KHDRBS2: variants seen among roughly 807,000 people sequenced by gnomAD.
KHDRBS2 encodes the protein KH domain-containing, RNA-binding, signal transduction-associated protein 2.
KHDRBS2 carries 26 observed loss-of-function variants against 44.3 expected under a neutral mutation model. That is an observed-to-expected ratio of 0.59 (90% CI 0.43 to 0.81). The LOEUF (loss-of-function observed/expected upper bound fraction) is 0.81, where lower values mean the gene tolerates loss of function less well. KHDRBS2 is among the 40% of genes least tolerant of loss of function. The probability of loss-of-function intolerance (pLI) is 0.00; values close to 1 mark genes in which losing one functional copy is unlikely to be tolerated. For synonymous variants in KHDRBS2, 194 were observed against 151.1 expected (o/e 1.28, Z -2.08); for missense variants, 476 against 433.1 (o/e 1.10, Z -0.88).
chr6:61,785,253 G>A (rs896912330), intron 6 of KHDRBS2, among the ~76,000 whole-genome samples: 1 of 151,820 alleles, frequency 6.6e-6, no homozygotes, highest in Non-Finnish European at 1.5e-5. Context: ...CTAATACTTA[G>A]AGAAATGCTA....
intron 1 of KHDRBS2, among the ~76,000 whole-genome samples, chr6:62,210,905 A>G (rs1828932720): frequency 6.6e-6 from 1 of 152,184 alleles, no homozygotes; most frequent in Admixed American, 6.5e-5. Context: ...TTTCTTAATA[A>G]TAGTTTAATG....
At chr6:61,617,473 C>A in the KHDRBS2 span, among the ~76,000 whole-genome samples, 2 of 152,018 alleles carry the variant, frequency 1.3e-5, no homozygotes, top group Admixed American at 1.3e-4. Flanking sequence ...TATTTTGTTG[C>A]AGCAGTGCTT....
intron 1 of KHDRBS2, among the ~76,000 whole-genome samples, chr6:62,262,724 T>C (rs1171445606): frequency 1.3e-5 from 2 of 151,692 alleles, no homozygotes; most frequent in Admixed American, 6.6e-5. Context: ...AGCACAGTGC[T>C]TAAAACATGG....
the KHDRBS2 span, among the ~76,000 whole-genome samples, chr6:61,653,769 T>A: frequency 2.6e-5 from 4 of 151,980 alleles, no homozygotes; most frequent in African/African-American, 9.7e-5. Flanking sequence ...TTAGAATTTA[T>A]AACATAGCAA....
At position 61,732,656 on chromosome 6, in the gene KHDRBS2, G is replaced by A. The variant is rs756764234; in HGVS notation, c.893+26C>T. On this transcript the variant is annotated intron_variant, in intron 7 of 8. Coordinates refer to ENST00000281156, the MANE Select transcript of KHDRBS2 (RefSeq NM_152688.4). ...ATTGATTAGAGATAATCCTGAGAAG[G>A]CTGCTTTAGATAGCAAATGCCTTAC... The A allele has an allele frequency of 3.0e-6, 4 of 1,355,066 alleles. No individual in the cohort carries two copies. The South Asian group carries it at 3.5e-5, about 12-fold the overall frequency. 83.9% of individuals were successfully genotyped at this position (1,355,066 alleles called of 1,614,324 possible).
At chr6:61,990,076 A>C (rs150504565) in intron 3 of KHDRBS2, among the ~76,000 whole-genome samples, 24 of 152,300 alleles carry the variant, frequency 1.6e-4, no homozygotes, top group African/African-American at 5.3e-4. Context: ...GGTTCCATTC[A>C]TTTTCTTATT....
At chr6:61,978,234 G>T in intron 3 of KHDRBS2, 22 bp from the exon 4 acceptor site, 1 of 1,585,308 alleles carries the variant, frequency 6.3e-7, no homozygotes, top group Non-Finnish European at 8.6e-7. Flanking sequence ...GTTATTTTTA[G>T]AAATACAAAT....
At chr6:61,755,818 T>A (rs1208494518) in intron 6 of KHDRBS2, among the ~76,000 whole-genome samples, 4 of 136,076 alleles carry the variant, frequency 2.9e-5, no homozygotes, top group East Asian at 2.2e-4. Context: ...AAAAAAAAAA[T>A]CATTGGATTA....
At chr6:61,845,348 C>G (rs1230746539) in intron 6 of KHDRBS2, among the ~76,000 whole-genome samples, 3 of 134,838 alleles carry the variant, frequency 2.2e-5, no homozygotes, top group Non-Finnish European at 4.6e-5. Context: ...CTTGCTCTGT[C>G]GCTCAGGCTG....
chr6:62,185,877 C>T (rs190051435), intron 1 of KHDRBS2, among the ~76,000 whole-genome samples: 3 of 152,074 alleles, frequency 2.0e-5, no homozygotes, highest in Non-Finnish European at 2.9e-5. Context: ...TAAACTCCTA[C>T]CACCTAATTC....
chr6:62,068,117 G>C (rs911074267), intron 2 of KHDRBS2, among the ~76,000 whole-genome samples: 1 of 151,368 alleles, frequency 6.6e-6, no homozygotes, highest in Non-Finnish European at 1.5e-5. Context: ...GCATCCAATT[G>C]TTTTCCAAAG....
chr6:61,546,298 AT>A, the KHDRBS2 span, among the ~76,000 whole-genome samples: 7 of 152,114 alleles, frequency 4.6e-5, no homozygotes, highest in Non-Finnish European at 1.0e-4. Context: ...AATGTAAAAA[AT>A]AACAGAAAAT....
intron 3 of KHDRBS2, among the ~76,000 whole-genome samples, chr6:61,985,790 C>T (rs1041016130): frequency 1.1e-4 from 16 of 152,138 alleles, no homozygotes; most frequent in African/African-American, 2.2e-4. Flanking sequence ...CTTCCCTTCA[C>T]GGGCATCCTG....
At chr6:62,240,278 T>C (rs1834383199) in intron 1 of KHDRBS2, among the ~76,000 whole-genome samples, 2 of 152,120 alleles carry the variant, frequency 1.3e-5, no homozygotes, top group South Asian at 4.1e-4. Context: ...CCCATCACTG[T>C]GGGTGTTTTA....
At chr6:62,042,087 A>G (rs542795060) in intron 3 of KHDRBS2, among the ~76,000 whole-genome samples, 3 of 152,234 alleles carry the variant, frequency 2.0e-5, no homozygotes, top group African/African-American at 4.8e-5. Flanking sequence ...ACGTTGCAAC[A>G]TAAGTTTCAT....
intron 2 of KHDRBS2, among the ~76,000 whole-genome samples, chr6:62,133,058 C>T (rs1383169179): frequency 1.3e-5 from 2 of 152,120 alleles, no homozygotes; most frequent in Admixed American, 1.3e-4. Context: ...ATAGACAATA[C>T]ATATACAAAC....
At chr6:62,281,058 C>G (rs1359642403) in intron 1 of KHDRBS2, among the ~76,000 whole-genome samples, 1 of 152,116 alleles carries the variant, frequency 6.6e-6, no homozygotes, top group African/African-American at 2.4e-5. Context: ...CTGAATAGGT[C>G]TGAAATTACT....
intron 6 of KHDRBS2, among the ~76,000 whole-genome samples, chr6:61,830,346 T>C (rs556186788): frequency 4.6e-5 from 7 of 152,342 alleles, no homozygotes; most frequent in Non-Finnish European, 8.8e-5. Context: ...ATTCAGGAGT[T>C]ATTGTTAGAG....
At chr6:62,041,101 C>T (rs1406223231) in intron 3 of KHDRBS2, among the ~76,000 whole-genome samples, 4 of 152,014 alleles carry the variant, frequency 2.6e-5, no homozygotes, top group African/African-American at 9.7e-5. Flanking sequence ...GAGGCTGAGG[C>T]GGGCAGATCA....
Sources: allele counts gnomAD v4.1 joint callset (sites outside exome capture counted in the v4.1 genomes callset), GRCh38; gene constraint gnomAD v4.1.1; transcripts MANE v1.5; gene names NCBI Gene and HGNC (gene_info 2026-07-23, HGNC 2026-07-21).